Variants in IRF2 observed in about 807,000 individuals in gnomAD.
IRF2 encodes interferon regulatory factor 2.
IRF2 carries 15 observed loss-of-function variants against 40.6 expected under a neutral mutation model. The observed-to-expected ratio is 0.37, with a 90% CI of 0.25 to 0.57. The LOEUF (loss-of-function observed/expected upper bound fraction) is 0.57. IRF2 is among the 20% of genes least tolerant of loss of function. The pLI is 0.77. For missense variants in IRF2, 317 were observed against 455.7 expected (o/e 0.70, Z 2.77); for synonymous variants, 151 against 165.5 (o/e 0.91, Z 0.67).
intron 1 of IRF2, among the ~76,000 whole-genome samples, chr4:184,431,352 T>G (rs184377643): frequency 7.9e-4 from 121 of 152,252 alleles, no homozygotes; most frequent in African/African-American, 2.9e-3. Context: ...TTCCCTGCCA[T>G]CTAGGAACTC....
chr4:184,441,281 T>C (rs1738294199), intron 1 of IRF2, among the ~76,000 whole-genome samples: 3 of 152,228 alleles, frequency 2.0e-5, no homozygotes, highest in Admixed American at 2.0e-4. Context: ...ATTAACTTGT[T>C]ATTTATCAGG....
In IRF2 at chr4:184,390,757, C is replaced by A. The variant is rs367755799; in HGVS notation, c.695-8G>T. 7.4e-6 allele frequency: 12 copies of A among 1,614,206 alleles called. No individual in the cohort carries two copies. Among genetic ancestry groups the A allele is most frequent in the Non-Finnish European group, 9.3e-6 (11 of 1,180,026 alleles). The stretch of plus-strand genomic sequence containing the variant: ...TATCAGTCGTTTCGCTTTCTGTTCA[C>A]AGAGAGAAAAACACAGGGCCATCAT... On this transcript the variant is annotated splice_region_variant and splice_polypyrimidine_tract_variant and intron_variant, in intron 7 of 8. Transcript: ENST00000393593.
chr4:184,452,968 C>T (rs920900001), intron 1 of IRF2, among the ~76,000 whole-genome samples: 2 of 151,826 alleles, frequency 1.3e-5, no homozygotes, highest in African/African-American at 4.8e-5. Context: ...ACCCTTGGAC[C>T]CAGCCATGTC....
At chr4:184,454,141 A>T (rs1220039462) in intron 1 of IRF2, among the ~76,000 whole-genome samples, 1 of 152,138 alleles carries the variant, frequency 6.6e-6, no homozygotes, top group Non-Finnish European at 1.5e-5. Context: ...ATGAGAGTAA[A>T]TGATTTCCTC....
chr4:184,398,662 A>AT (rs973026427), intron 7 of IRF2, among the ~76,000 whole-genome samples: 32 of 150,948 alleles, frequency 2.1e-4, no homozygotes, highest in Non-Finnish European at 3.7e-4. Flanking sequence ...TCTCAAAAAA[A>AT]AAAAAAATAA....
chr4:184,473,114 G>A (rs1229590293), intron 1 of IRF2, among the ~76,000 whole-genome samples: 2 of 152,088 alleles, frequency 1.3e-5, no homozygotes, highest in African/African-American at 4.8e-5. Flanking sequence ...CTCGGTGGGC[G>A]AGCCCTACCG....
intron 7 of IRF2, 111 bp from the exon 8 acceptor site, chr4:184,390,860 TC>T (rs1332429598): frequency 4.5e-5 from 48 of 1,060,180 alleles, no homozygotes; most frequent in African/African-American, 1.9e-4. Context: ...ATCACCTCCC[TC>T]CCTTTGTAAA....
intron 1 of IRF2, among the ~76,000 whole-genome samples, chr4:184,435,896 T>G (rs1297277232): frequency 6.6e-6 from 1 of 152,166 alleles, no homozygotes; most frequent in Admixed American, 6.5e-5. Flanking sequence ...CAAAAGTAAA[T>G]AGAAATCAGA....
intron 1 of IRF2, among the ~76,000 whole-genome samples, chr4:184,435,460 G>A (rs193189634): frequency 6.2e-4 from 95 of 152,218 alleles, no homozygotes; most frequent in African/African-American, 2.2e-3. Context: ...TGGTACAGTA[G>A]GTAATTCAGA....
At chr4:184,418,027 C>A (rs1449139193) in intron 5 of IRF2, 140 bp downstream of exon 5, 2 of 719,734 alleles carry the variant, frequency 2.8e-6, no homozygotes, top group African/African-American at 1.8e-5. Context: ...TGCTGAAGAG[C>A]AAACATGTAA....
rs1736230774 is a variant in IRF2, at chr4:184,390,767, AAC to A, written c.695-20_695-19del. ...TTCGCTTTCTGTTCACAGAGAGAAA[AAC>A]ACAGGGCCATCATTCCTGTCCCTCA... is the stretch of plus-strand genomic sequence containing the variant. On this transcript the variant is annotated intron_variant, in intron 7 of 8. Transcript: ENST00000393593. 6.2e-7 allele frequency: 1 copy of A among 1,614,138 alleles called. No individual in the cohort carries two copies. The highest frequency in any genetic ancestry group is 8.5e-7 in the Non-Finnish European group (1 of 1,179,994).
intron 2 of IRF2, among the ~76,000 whole-genome samples, chr4:184,427,480 C>T (rs1370587575): frequency 6.6e-6 from 1 of 152,056 alleles, no homozygotes; most frequent in African/African-American, 2.4e-5. Context: ...ATAGTGAAAC[C>T]CCATCTCTAC....
intron 6 of IRF2, among the ~76,000 whole-genome samples, chr4:184,406,093 T>C (rs903586591): frequency 1.3e-5 from 2 of 152,170 alleles, no homozygotes; most frequent in Non-Finnish European, 2.9e-5. Flanking sequence ...TAAAATCGAA[T>C]GCCTTGTCTC....
intron 1 of IRF2, among the ~76,000 whole-genome samples, chr4:184,451,745 T>A (rs1738722061): frequency 6.6e-6 from 1 of 152,182 alleles, no homozygotes; most frequent in Admixed American, 6.5e-5. Context: ...TCTCCTCCTG[T>A]CAGGAAAGTG....
chr4:184,389,152 G>T, intron 8 of IRF2, 86 bp from the exon 9 acceptor site: 1 of 1,321,032 alleles, frequency 7.6e-7, no homozygotes, highest in Non-Finnish European at 1.1e-6. Context: ...AGGTGTGGTG[G>T]CTCATGCCTG....
chr4:184,468,612 T>C, intron 1 of IRF2, among the ~76,000 whole-genome samples: 1 of 152,186 alleles, frequency 6.6e-6, no homozygotes, highest in East Asian at 1.9e-4. Flanking sequence ...CCGAAGTGCT[T>C]TTTAAAATGT....
intron 1 of IRF2, among the ~76,000 whole-genome samples, chr4:184,432,396 C>A (rs932560662): frequency 3.9e-5 from 6 of 152,174 alleles, no homozygotes; most frequent in African/African-American, 1.4e-4. Context: ...CATCGTTGTG[C>A]TTTTTTTGGT....
At chr4:184,395,512 G>A (rs979396726) in intron 7 of IRF2, among the ~76,000 whole-genome samples, 5 of 151,296 alleles carry the variant, frequency 3.3e-5, no homozygotes, top group Non-Finnish European at 5.9e-5. Flanking sequence ...GCAAATGGCC[G>A]ACTCTACTGG....
chr4:184,414,379 T>A (rs960451698), intron 5 of IRF2, among the ~76,000 whole-genome samples: 1 of 152,234 alleles, frequency 6.6e-6, no homozygotes, highest in East Asian at 1.9e-4. Flanking sequence ...TCCTGCTCTG[T>A]TGCCCAGGCT....
Sources: allele counts gnomAD v4.1 joint callset (sites outside exome capture counted in the v4.1 genomes callset), GRCh38; gene constraint gnomAD v4.1.1; transcripts MANE v1.5; gene names NCBI Gene and HGNC (gene_info 2026-07-23, HGNC 2026-07-21).